The following TENT5D variants were observed in gnomAD, a reference collection of about 807,000 sequenced individuals.
TENT5D encodes the protein cancer/testis antigen 112.
For missense variants in TENT5D, 191 were observed against 287.0 expected, an observed-to-expected ratio of 0.67 and a Z score of 2.42; for synonymous variants, 103 against 100.6, an observed-to-expected ratio of 1.02 and a Z score of -0.15.
chrX:80,383,740 C>T (rs774578976), intron 3 of TENT5D, among the ~76,000 whole-genome samples: 4 of 111,134 alleles, frequency 3.6e-5, no homozygotes, highest in East Asian at 5.7e-4. Context: ...CCTGTAGTCC[C>T]AGCTACTCGG....
chrX:80,443,317 C>A (rs1932324579), exon 3 of TENT5D: 4 of 1,210,787 alleles, frequency 3.3e-6, no homozygotes, highest in Non-Finnish European at 4.5e-6. Context: ...AAACCTAGAA[C>A]GTTATATGTG....
chrX:80,351,439 C>T (rs1930176885), intron 3 of TENT5D, among the ~76,000 whole-genome samples: 2 of 106,449 alleles, frequency 1.9e-5, no homozygotes, highest in South Asian at 8.3e-4. Flanking sequence ...TTGATTGATT[C>T]GGCTGTTGAT....
At chrX:80,434,150 C>A (rs867204202) in intron 1 of TENT5D, among the ~76,000 whole-genome samples, 97 of 86,875 alleles carry the variant, frequency 1.1e-3, no homozygotes, top group Non-Finnish European at 1.2e-3. Context: ...AAAAACAAAA[C>A]AAAAAAAAAA....
chrX:80,430,963 A>C (rs1328783741), intron 1 of TENT5D, among the ~76,000 whole-genome samples: 1 of 111,176 alleles, frequency 9.0e-6, no homozygotes, highest in African/African-American at 3.3e-5. Flanking sequence ...ATTATGTAGT[A>C]GTTGGATTTG....
At chrX:80,360,698 A>C (rs1240510072) in intron 3 of TENT5D, among the ~76,000 whole-genome samples, 1 of 112,148 alleles carries the variant, frequency 8.9e-6, no homozygotes, top group Non-Finnish European at 1.9e-5. Context: ...GAGAGGTTAC[A>C]GAAGAGTAGC....
chrX:80,375,115 T>G (rs1359013327), intron 3 of TENT5D, among the ~76,000 whole-genome samples: 1 of 111,747 alleles, frequency 8.9e-6, no homozygotes, highest in African/African-American at 3.2e-5. Flanking sequence ...GCATTCTGTT[T>G]CCACTTGTAG....
chrX:80,397,023 G>A (rs764908524), intron 3 of TENT5D, among the ~76,000 whole-genome samples: 1 of 90,755 alleles, frequency 1.1e-5, no homozygotes, highest in South Asian at 6.0e-4. Flanking sequence ...TCTGGCCGGG[G>A]GGGGGGCTGA....
intron 3 of TENT5D, among the ~76,000 whole-genome samples, chrX:80,347,555 G>A (rs1177644884): frequency 8.9e-6 from 1 of 111,785 alleles, no homozygotes; most frequent in Non-Finnish European, 1.9e-5. Context: ...TAAGTTCCTT[G>A]TAGACTCTGG....
intron 3 of TENT5D, among the ~76,000 whole-genome samples, chrX:80,356,783 T>G (rs1474343969): frequency 1.8e-5 from 2 of 111,618 alleles, no homozygotes; most frequent in Non-Finnish European, 3.8e-5. Flanking sequence ...TAGTATACTT[T>G]AAGTTTTAGG....
At chrX:80,354,009 G>GTCTGGTATGAAA (rs1930235470) in intron 3 of TENT5D, among the ~76,000 whole-genome samples, 1 of 111,052 alleles carries the variant, frequency 9.0e-6, no homozygotes, top group African/African-American at 3.3e-5. Flanking sequence ...GTATCTCATT[G>GTCTGGTATGAAA]TGGCTTTGAT....
intron 3 of TENT5D, among the ~76,000 whole-genome samples, chrX:80,392,374 C>T (rs956803274): frequency 9.1e-6 from 1 of 109,549 alleles, no homozygotes; most frequent in African/African-American, 3.3e-5. Flanking sequence ...TTGAAATAAA[C>T]GTTATGCTTT....
chrX:80,397,746 G>A (rs186646370), intron 3 of TENT5D, among the ~76,000 whole-genome samples: 5 of 112,948 alleles, frequency 4.4e-5, no homozygotes, highest in Non-Finnish European at 9.4e-5. Context: ...AGCCAACACA[G>A]CGAAACCCCG....
chrX:80,423,849 C>T (rs938111066), intron 1 of TENT5D, among the ~76,000 whole-genome samples: 2 of 111,244 alleles, frequency 1.8e-5, no homozygotes, highest in African/African-American at 6.5e-5. Flanking sequence ...CTCTTATTAC[C>T]GTGGCTGCAG....
At chrX:80,384,054 A>G (rs1481992962) in intron 3 of TENT5D, among the ~76,000 whole-genome samples, 2 of 109,411 alleles carry the variant, frequency 1.8e-5, no homozygotes, top group Admixed American at 2.0e-4. Context: ...AAAAGAGGGA[A>G]TCCTCCCTAA....
At chrX:80,409,144 A>G (rs1375778234) in intron 3 of TENT5D, among the ~76,000 whole-genome samples, 6 of 109,923 alleles carry the variant, frequency 5.5e-5, no homozygotes, top group Middle Eastern at 4.7e-3. Context: ...CCAATATCAT[A>G]CTGAATGGGC....
At chrX:80,362,249 C>T (rs745742369) in intron 3 of TENT5D, among the ~76,000 whole-genome samples, 19 of 111,078 alleles carry the variant, frequency 1.7e-4, no homozygotes, top group South Asian at 1.2e-3. Flanking sequence ...CTCCAAGCTC[C>T]GCTTCCTGGG....
intron 3 of TENT5D, among the ~76,000 whole-genome samples, chrX:80,398,269 A>G (rs984948331): frequency 2.7e-5 from 3 of 111,325 alleles, no homozygotes; most frequent in Non-Finnish European, 5.7e-5. Flanking sequence ...TGCTGTTGAG[A>G]TATTTGAGTT....
intron 3 of TENT5D, among the ~76,000 whole-genome samples, chrX:80,349,654 G>C (rs1437690528): frequency 9.0e-6 from 1 of 110,662 alleles, no homozygotes; most frequent in Admixed American, 9.7e-5. Context: ...ATCTCCTTCA[G>C]TTCTGCTCTA....
intron 3 of TENT5D, among the ~76,000 whole-genome samples, chrX:80,367,471 T>G (rs1930533385): frequency 1.8e-5 from 2 of 111,215 alleles, no homozygotes; most frequent in South Asian, 7.5e-4. Flanking sequence ...TACCATACAA[T>G]CCAGCAATCT....
Sources: gnomAD v4.1 joint callset for allele counts (sites outside exome capture counted in the v4.1 genomes callset) on GRCh38, gnomAD v4.1.1 for gene constraint, MANE v1.5 for transcripts, NCBI Gene and HGNC (gene_info 2026-07-23, HGNC 2026-07-21) for gene names.